PHTF1: variants seen among roughly 807,000 people sequenced by gnomAD.
PHTF1 encodes the protein protein PHTF1.
PHTF1 carries 88 observed loss-of-function variants against 102.4 expected under a neutral mutation model. The observed-to-expected ratio is 0.86, with a 90% CI of 0.72 to 1.03. The LOEUF is 1.03. Ranked by LOEUF, PHTF1 falls within the 50% of genes least tolerant of loss-of-function variation. PHTF1 has a pLI of 0.00. For missense variants in PHTF1, 814 were observed against 909.5 expected (o/e 0.89, Z 1.35); for synonymous variants, 289 against 305.2 (o/e 0.95, Z 0.55).
intron 16 of PHTF1, chr1:113,700,316 AAAC>A (rs1649304321): frequency 9.4e-6 from 3 of 318,414 alleles, no homozygotes; most frequent in Non-Finnish European, 1.4e-5. Context: ...TTGAAATTAA[AAAC>A]AAAATTAAAA....
intron 5 of PHTF1, among the ~76,000 whole-genome samples, chr1:113,730,041 C>T (rs973528172): frequency 4.6e-5 from 7 of 152,118 alleles, no homozygotes; most frequent in Admixed American, 4.6e-4. Context: ...TTAGCACTTT[C>T]TGAAGTTCTG....
chr1:113,716,342 C>CTTTT (rs1180513920), intron 7 of PHTF1, among the ~76,000 whole-genome samples: 30 of 120,948 alleles, frequency 2.5e-4, no homozygotes, highest in African/African-American at 3.8e-4. Context: ...TTATTTTTCC[C>CTTTT]TTTTTTTTTT....
intron 15 of PHTF1, among the ~76,000 whole-genome samples, chr1:113,701,826 T>TAAAAAAAAAAAAAAAAAAAAAAAAAA (rs34844793): frequency 1.1e-4 from 3 of 28,002 alleles, no homozygotes; most frequent in Non-Finnish European, 1.3e-4. Context: ...CAATTCCTGG[T>TAAAAAAAAAAAAAAAAAAAAAAAAAA]AAAAAAAAAA....
At chr1:113,741,514 A>G (rs981410563) in intron 3 of PHTF1, among the ~76,000 whole-genome samples, 1 of 152,226 alleles carries the variant, frequency 6.6e-6, no homozygotes, top group African/African-American at 2.4e-5. Flanking sequence ...CTTTCTGGAC[A>G]TTTGTACCAG....
chr1:113,738,311 A>C (rs762884309), intron 4 of PHTF1, 43 bp from the exon 5 acceptor site: 27 of 1,529,862 alleles, frequency 1.8e-5, no homozygotes, highest in Non-Finnish European at 2.1e-5. Flanking sequence ...ATTTATATAC[A>C]CTGTATTGAA....
At chr1:113,705,686 G>T (rs1051473245) in intron 13 of PHTF1, 16 of 530,694 alleles carry the variant, frequency 3.0e-5, no homozygotes, top group African/African-American at 5.8e-5. Context: ...TACACATGAG[G>T]CCTGGCAAAA....
intron 17 of PHTF1, among the ~76,000 whole-genome samples, chr1:113,698,620 TACAC>T (rs56167437): frequency 0.089 from 4,395 of 49,620 alleles, 174 homozygotes; most frequent in African/African-American, 0.15. Flanking sequence ...TATATATATA[TACAC>T]ACACACACAC....
At chr1:113,725,934 C>A (rs192693220) in intron 6 of PHTF1, 2 of 157,444 alleles carry the variant, frequency 1.3e-5, no homozygotes, top group Admixed American at 1.3e-4. Flanking sequence ...CGCCATTGCA[C>A]TCCAGCCTGG....
chr1:113,700,689 A>G, intron 16 of PHTF1, 105 bp downstream of exon 16: 2 of 1,033,278 alleles, frequency 1.9e-6, no homozygotes, highest in Non-Finnish European at 2.8e-6. Context: ...TGTAGCTAGA[A>G]AGTGACAGCT....
upstream of PHTF1, chr1:113,759,521 G>C (rs1225332103): frequency 6.6e-6 from 1 of 152,350 alleles, no homozygotes; most frequent in Non-Finnish European, 1.5e-5. Flanking sequence ...CCGACCACCG[G>C]GCAGCAGCCT....
intron 3 of PHTF1, 90 bp from the exon 4 acceptor site, chr1:113,738,889 T>A (rs991614563): frequency 1.1e-6 from 1 of 894,226 alleles, no homozygotes; most frequent in African/African-American, 1.7e-5. Flanking sequence ...TTCGCTCTTG[T>A]AGCCCAGGCT....
rs375327078 is a variant in PHTF1 at position 113,749,941 on chromosome 1, G to C, written c.102+7758C>G. Reference sequence around the variant, plus strand: ...TCTTATCTGTTGTACTTTTAAAGAGGTTTCAGGAGAGATTAGTGCATGTAT... The same window carrying C: ...TCTTATCTGTTGTACTTTTAAAGAGCTTTCAGGAGAGATTAGTGCATGTAT... On this transcript the variant is annotated intron_variant, in intron 3 of 18. Coordinates refer to ENST00000369604, the MANE Select transcript of PHTF1 (RefSeq NM_001323043.2). Among the ~76,000 whole-genome samples, 11 of 151,984 alleles carry C rather than the reference G, an allele frequency of 7.2e-5. No homozygotes were observed. The East Asian group carries it at 2.1e-3, about 29-fold the overall frequency.
intron 11 of PHTF1, among the ~76,000 whole-genome samples, chr1:113,709,311 G>A (rs367836935): frequency 2.6e-5 from 4 of 152,050 alleles, no homozygotes; most frequent in African/African-American, 9.7e-5. Context: ...TTAATGAAGC[G>A]ATTTTTTAAA....
At chr1:113,728,225 GA>G (rs931195742) in intron 5 of PHTF1, among the ~76,000 whole-genome samples, 1 of 152,148 alleles carries the variant, frequency 6.6e-6, no homozygotes, top group Admixed American at 6.5e-5. Context: ...TTAACAACCA[GA>G]ATATATAAGG....
At chr1:113,750,904 G>A (rs1230682) in intron 3 of PHTF1, among the ~76,000 whole-genome samples, 96,921 of 151,414 alleles carry the variant, frequency 0.64, 32,376 homozygotes, top group African/African-American at 0.8. Context: ...TATTTTGGAG[G>A]ACTAAGTTAC....
chr1:113,723,484 G>C (rs1653331283), intron 7 of PHTF1, among the ~76,000 whole-genome samples: 2 of 152,128 alleles, frequency 1.3e-5, no homozygotes, highest in African/African-American at 4.8e-5. Flanking sequence ...GGCCAACAGT[G>C]AACTCAGTTT....
chr1:113,698,424 G>A (rs1649040236), intron 17 of PHTF1, 37 bp from the exon 18 acceptor site: 1 of 1,593,082 alleles, frequency 6.3e-7, no homozygotes, highest in Non-Finnish European at 8.6e-7. Context: ...TGAGATACAT[G>A]TTTTCTCATA....
rs773802262 is a variant in PHTF1, at chr1:113,724,801, A to G, written c.581T>C (p.Val194Ala). Residue 194 changes from valine to alanine, a missense_variant, in exon 7 of 19, where the codon GTA (valine) becomes GCA (alanine). Physicochemically the swap from Val to Ala is moderately conservative, Grantham distance 64. Coordinates refer to ENST00000369604, the MANE Select transcript of PHTF1 (RefSeq NM_001323043.2). ...CTCCCAAAAACCACCAATAATGGGT[A>G]CAGATTCCAAAGTTTCTATTCCTCT... Reference protein sequence around the residue: ...KVRGIETLESVPIIGGFWETI... With the variant: ...KVRGIETLESAPIIGGFWETI... The G allele has an allele frequency of 1.2e-6, 2 of 1,611,292 alleles. No homozygotes were observed. Among genetic ancestry groups the G allele is most frequent in the Admixed American group, 1.7e-5 (1 of 59,634 alleles).
At chr1:113,742,628 GA>G (rs891856400) in intron 3 of PHTF1, among the ~76,000 whole-genome samples, 28 of 146,164 alleles carry the variant, frequency 1.9e-4, no homozygotes, top group African/African-American at 5.8e-4. Flanking sequence ...TCTCAATAAA[GA>G]AAAAAAAAAG....
Sources: gnomAD v4.1 joint callset for allele counts (sites outside exome capture counted in the v4.1 genomes callset) on GRCh38, gnomAD v4.1.1 for gene constraint, MANE v1.5 for transcripts, NCBI Gene and HGNC (gene_info 2026-07-23, HGNC 2026-07-21) for gene names.